NUBPL: variants seen among roughly 807,000 people sequenced by gnomAD.
NUBPL encodes NUBP iron-sulfur cluster assembly factor, mitochondrial, also known as iron-sulfur cluster transfer protein NUBPL.
In NUBPL, 31 loss-of-function variants were observed where a neutral mutation model predicts 45.7. The ratio of observed to expected loss-of-function variants is 0.68; its 90% CI spans 0.51 to 0.92. NUBPL has a LOEUF of 0.92. NUBPL is among the 40% of genes least tolerant of loss of function. The pLI is 0.00. For missense variants in NUBPL, 401 were observed against 398.7 expected (o/e 1.01, Z -0.05); for synonymous variants, 144 against 140.9 (o/e 1.02, Z -0.15).
intron 4 of NUBPL, among the ~76,000 whole-genome samples, chr14:31,656,579 A>G (rs2036145756): frequency 6.6e-6 from 1 of 151,670 alleles, no homozygotes; most frequent in Non-Finnish European, 1.5e-5. Context: ...AGGCCTGAGG[A>G]GAGAGAGAGA....
intron 6 of NUBPL, among the ~76,000 whole-genome samples, chr14:31,786,306 G>A (rs966247020): frequency 6.6e-6 from 1 of 152,158 alleles, no homozygotes; most frequent in Admixed American, 6.5e-5. Context: ...TGTTCATTTA[G>A]CCATTCATTC....
chr14:31,771,799 C>T, intron 6 of NUBPL: 1 of 887,046 alleles, frequency 1.1e-6, no homozygotes, highest in Non-Finnish European at 1.4e-6. Flanking sequence ...TATTACCCCA[C>T]TTCTTCCATT....
At chr14:31,714,681 C>A (rs1004879674) in intron 6 of NUBPL, 2 of 152,220 alleles carry the variant, frequency 1.3e-5, no homozygotes, top group Non-Finnish European at 2.9e-5. Flanking sequence ...ACTCACTTCC[C>A]ATCAGGCCTC....
intron 7 of NUBPL, among the ~76,000 whole-genome samples, chr14:31,809,306 G>C (rs141468439): frequency 6.6e-6 from 1 of 152,016 alleles, no homozygotes; most frequent in African/African-American, 2.4e-5. Context: ...CCTGTTACTC[G>C]CTATTCAGAG....
chr14:31,695,147 G>A (rs1215709339), intron 6 of NUBPL, among the ~76,000 whole-genome samples: 1 of 152,124 alleles, frequency 6.6e-6, no homozygotes, highest in Non-Finnish European at 1.5e-5. Context: ...ATGTCATAGC[G>A]CAAACCCTGT....
At chr14:31,705,100 G>A (rs146697320) in intron 6 of NUBPL, among the ~76,000 whole-genome samples, 7,199 of 152,150 alleles carry the variant, frequency 0.047, 214 homozygotes, top group Admixed American at 0.066. Context: ...CCTCAGGAGT[G>A]AAGCTGCAGA....
chr14:31,821,274 T>A (rs993374292), intron 7 of NUBPL, among the ~76,000 whole-genome samples: 43 of 152,080 alleles, frequency 2.8e-4, no homozygotes, highest in African/African-American at 1.0e-3. Context: ...GAGAAAATAT[T>A]TGCAAACTAC....
chr14:31,832,695 T>C (rs2040212505), intron 8 of NUBPL, among the ~76,000 whole-genome samples: 1 of 152,224 alleles, frequency 6.6e-6, no homozygotes, highest in African/African-American at 2.4e-5. Context: ...TTTCTTATAA[T>C]TTTTTAGATG....
rs189295434 is a variant in NUBPL at position 31,773,787 on chromosome 14, T to C, written c.514-13993T>C. Among the ~76,000 whole-genome samples the C allele has an allele frequency of 1.0e-3, 157 of 152,278 alleles. 1 individual carries two copies. The highest frequency in any genetic ancestry group is 3.4e-3 in the African/African-American group (141 of 41,576). ...ATTATAGAATAGAAGTAGCAACAGG[T>C]ATATGGCCAGAATCAGATACAAGGA... On this transcript the variant is annotated intron_variant, in intron 6 of 10. Transcript: ENST00000281081.
In NUBPL at chr14:31,851,008, C is replaced by T. The variant is rs993396898; in HGVS notation, c.897+807C>T. ...AGACTAGTAGTGTTTCATTAGCCAACATAGTTGGAGATATAGTTGATAGAT... is the reference window on the plus strand; with the variant it reads ...AGACTAGTAGTGTTTCATTAGCCAATATAGTTGGAGATATAGTTGATAGAT... On this transcript the variant is annotated intron_variant, in intron 10 of 10. Transcript: ENST00000281081. Among the ~76,000 whole-genome samples the T allele has an allele frequency of 2.6e-5, 4 of 152,154 alleles. No homozygotes were observed. The South Asian group carries it at 6.2e-4, about 24-fold the overall frequency.
intron 3 of NUBPL, chr14:31,578,014 A>G (rs1007034165): frequency 1.6e-6 from 2 of 1,279,798 alleles, no homozygotes; most frequent in Non-Finnish European, 2.0e-6. Flanking sequence ...GTTGTTATGA[A>G]CTCAGTAAAT....
At chr14:31,725,709 C>CTTTTTTTTTT (rs375160082) in intron 6 of NUBPL, among the ~76,000 whole-genome samples, 5 of 104,952 alleles carry the variant, frequency 4.8e-5, no homozygotes, top group Admixed American at 1.2e-4. Context: ...TAGATTTCAG[C>CTTTTTTTTTT]TTTTTTTTTT....
chr14:31,655,700 G>T (rs912213803), intron 4 of NUBPL, among the ~76,000 whole-genome samples: 1 of 152,130 alleles, frequency 6.6e-6, no homozygotes, highest in Non-Finnish European at 1.5e-5. Flanking sequence ...GTGACAAAAA[G>T]GTTTCAACAG....
At chr14:31,663,499 C>T (rs965792681) in intron 4 of NUBPL, among the ~76,000 whole-genome samples, 4 of 152,154 alleles carry the variant, frequency 2.6e-5, no homozygotes, top group African/African-American at 9.7e-5. Context: ...ATAGGGAATC[C>T]TTTTCCTATT....
intron 6 of NUBPL, among the ~76,000 whole-genome samples, chr14:31,747,711 A>G (rs970229980): frequency 4.0e-5 from 6 of 151,892 alleles, no homozygotes; most frequent in South Asian, 2.1e-4. Context: ...CATTTTTCCT[A>G]GTATAGCTAA....
chr14:31,722,186 T>C (rs2037825215), intron 6 of NUBPL, among the ~76,000 whole-genome samples: 1 of 151,994 alleles, frequency 6.6e-6, no homozygotes, highest in African/African-American at 2.4e-5. Context: ...TTGTTTTTTG[T>C]TTTTTAGTAG....
chr14:31,765,579 A>G (rs2038897348), intron 6 of NUBPL, among the ~76,000 whole-genome samples: 1 of 152,142 alleles, frequency 6.6e-6, no homozygotes, highest in Middle Eastern at 3.2e-3. Flanking sequence ...ATTCAAATCT[A>G]AAGACATAAG....
chr14:31,745,306 G>T (rs1595571936), intron 6 of NUBPL, among the ~76,000 whole-genome samples: 1 of 152,124 alleles, frequency 6.6e-6, no homozygotes, highest in East Asian at 1.9e-4. Context: ...GTGATGTTTG[G>T]TTTTTTGTCC....
At chr14:31,747,737 G>A (rs748486994) in intron 6 of NUBPL, among the ~76,000 whole-genome samples, 24 of 151,828 alleles carry the variant, frequency 1.6e-4, no homozygotes, top group Non-Finnish European at 3.1e-4. Context: ...TGTCAAATTT[G>A]ATTATCTTTA....
Sources: gnomAD v4.1 joint callset for allele counts (sites outside exome capture counted in the v4.1 genomes callset) on GRCh38, gnomAD v4.1.1 for gene constraint, MANE v1.5 for transcripts, NCBI Gene and HGNC (gene_info 2026-07-23, HGNC 2026-07-21) for gene names.